MUCL1: variants seen among roughly 807,000 people sequenced by gnomAD.
MUCL1 encodes the protein mucin like 1, also known as mucin-like protein 1.
A neutral mutation model predicts 9.2 loss-of-function variants in MUCL1; 11 were observed. That is an observed-to-expected ratio of 1.19 (90% CI 0.75 to 1.97). The LOEUF is 1.97. Ranked by LOEUF, MUCL1 falls within the 30% of genes most tolerant of loss-of-function variation. The pLI, the probability that MUCL1 is intolerant of heterozygous loss-of-function variation, is 0.00. For synonymous variants in MUCL1, 48 were observed against 40.5 expected, an observed-to-expected ratio of 1.19 and a Z score of -0.71; for missense variants, 144 against 110.9, an observed-to-expected ratio of 1.30 and a Z score of -1.34.
rs1318068065 is a variant in MUCL1, at chr12:54,832,445, T to C, written n.357+1570T>C. On this transcript the variant is annotated intron_variant and non_coding_transcript_variant, in intron 1 of 3. Coordinates refer to the MUCL1 transcript ENST00000547990. Reference sequence around the variant, plus strand: ...GTTTTATGTTGTCTTTATCATGTCTTTGATTACTTAAGAGTCTTCACAATA... The same window carrying C: ...GTTTTATGTTGTCTTTATCATGTCTCTGATTACTTAAGAGTCTTCACAATA... 9.9e-5 allele frequency among the ~76,000 whole-genome samples: 15 copies of C among 152,144 alleles called. 1 individual carries two copies. The highest frequency in any genetic ancestry group is 9.8e-4 in the Admixed American group (15 of 15,258).
upstream of MUCL1, among the ~76,000 whole-genome samples, chr12:54,838,516 A>G (rs142789372): frequency 2.0e-5 from 3 of 152,306 alleles, no homozygotes; most frequent in African/African-American, 7.2e-5. Context: ...ATTCTCTCAA[A>G]TAAGTTTTTG....
chr12:54,856,559 G>A (rs1592250574), intron 2 of MUCL1, among the ~76,000 whole-genome samples: 1 of 152,148 alleles, frequency 6.6e-6, no homozygotes, highest in East Asian at 1.9e-4. Flanking sequence ...GCCCTTGGAG[G>A]GAAACCCCAA....
At chr12:54,839,493 A>G in intron 1 of MUCL1, 2 of 701,132 alleles carry the variant, frequency 2.9e-6, no homozygotes, top group South Asian at 3.0e-5. Flanking sequence ...CCCAGCCTTG[A>G]CAGAGGCAGC....
chr12:54,857,230 TAG>T (rs1491565832), intron 3 of MUCL1, among the ~76,000 whole-genome samples: 3 of 114,118 alleles, frequency 2.6e-5, no homozygotes, highest in Admixed American at 8.7e-5. Context: ...TTAAATCAGG[TAG>T]TGTGTGTGTG....
upstream of MUCL1, among the ~76,000 whole-genome samples, chr12:54,837,056 A>G (rs1959193976): frequency 6.6e-6 from 1 of 152,184 alleles, no homozygotes; most frequent in African/African-American, 2.4e-5. Flanking sequence ...TATATTCTGC[A>G]GTTCTTGAGT....
upstream of MUCL1, among the ~76,000 whole-genome samples, chr12:54,835,520 A>G (rs1959191499): frequency 6.7e-6 from 1 of 149,052 alleles, no homozygotes; most frequent in Non-Finnish European, 1.5e-5. Context: ...AATGTTGAGT[A>G]TTTTTTTCAT....
At chr12:54,857,862 T>C (rs148386881) in intron 3 of MUCL1, among the ~76,000 whole-genome samples, 13 of 152,260 alleles carry the variant, frequency 8.5e-5, no homozygotes, top group South Asian at 8.3e-4. Flanking sequence ...ATCTGTAAAG[T>C]AGACTGTGAG....
chr12:54,849,628 A>G (rs1276858542), upstream of MUCL1, among the ~76,000 whole-genome samples: 7 of 152,074 alleles, frequency 4.6e-5, no homozygotes, highest in African/African-American at 1.7e-4. Flanking sequence ...TATATAGAAT[A>G]TATTGCATAA....
At chr12:54,846,564 G>A (rs1024917461) in intron 1 of MUCL1, among the ~76,000 whole-genome samples, 13 of 152,218 alleles carry the variant, frequency 8.5e-5, no homozygotes, top group African/African-American at 3.1e-4. Flanking sequence ...GGCAATGATA[G>A]GAAATGAGTA....
chr12:54,856,922 C>A (rs761952536), intron 3 of MUCL1, 30 bp downstream of exon 3: 2 of 1,613,162 alleles, frequency 1.2e-6, no homozygotes, highest in Admixed American at 3.3e-5. Context: ...TGTGTGCTTC[C>A]TTTATGTGGC....
chr12:54,854,678 G>A (rs1231257760), intron 1 of MUCL1, 38 bp downstream of exon 1: 4 of 1,561,922 alleles, frequency 2.6e-6, no homozygotes, highest in Non-Finnish European at 3.5e-6. Flanking sequence ...AGTTTTGTGG[G>A]AATATACATA....
At chr12:54,833,305 T>C (rs1249202971) in intron 1 of MUCL1, among the ~76,000 whole-genome samples, 2 of 152,124 alleles carry the variant, frequency 1.3e-5, no homozygotes, top group Non-Finnish European at 2.9e-5. Context: ...TCTATGCAAA[T>C]GTTTTATTTC....
intron 1 of MUCL1, chr12:54,839,545 G>A: frequency 2.9e-6 from 2 of 698,672 alleles, no homozygotes; most frequent in South Asian, 3.0e-5. Flanking sequence ...CTTTTCATTG[G>A]GGTAGGGAGG....
chr12:54,843,468 A>G (rs150664605), intron 1 of MUCL1, among the ~76,000 whole-genome samples: 18 of 152,346 alleles, frequency 1.2e-4, no homozygotes, highest in Non-Finnish European at 1.9e-4. Context: ...TGAAACCTGC[A>G]TTTATGTTAG....
At chr12:54,839,119 A>C (rs1029614570), upstream of MUCL1, among the ~76,000 whole-genome samples, 1 of 151,928 alleles carries the variant, frequency 6.6e-6, no homozygotes, top group African/African-American at 2.4e-5. Context: ...TTTCTCATTG[A>C]GGATGTGACC....
upstream of MUCL1, among the ~76,000 whole-genome samples, chr12:54,839,075 T>G (rs1020508243): frequency 4.6e-5 from 7 of 152,160 alleles, no homozygotes; most frequent in Non-Finnish European, 7.3e-5. Context: ...ATTTTTAAAT[T>G]TATTTTTAAT....
At chr12:54,845,739 C>T (rs1272153337) in intron 1 of MUCL1, among the ~76,000 whole-genome samples, 1 of 152,094 alleles carries the variant, frequency 6.6e-6, no homozygotes, top group Non-Finnish European at 1.5e-5. Flanking sequence ...TGGACTGGTT[C>T]TGCTGTTATA....
At chr12:54,843,250 G>A (rs6581007) in intron 1 of MUCL1, among the ~76,000 whole-genome samples, 79,546 of 151,900 alleles carry the variant, frequency 0.52, 21,285 homozygotes, top group East Asian at 0.86. Flanking sequence ...TTCAGTCTTT[G>A]GTATGATGTT....
At position 54,858,365 on chromosome 12, in the gene MUCL1, A is replaced by G. The variant is rs1381657369; in HGVS notation, c.*123A>G. The stretch of plus-strand genomic sequence containing the variant: ...CTCTAATCAGTTTATTTTCTTTCAA[A>G]TAAAAAATAACTATGAGCAACATAA... On this transcript the variant is annotated 3_prime_UTR_variant, in exon 4 of 4. Coordinates refer to ENST00000308796, the MANE Select transcript of MUCL1 (RefSeq NM_058173.3). 22 of 1,251,522 alleles carry G rather than the reference A, an allele frequency of 1.8e-5. 1 individual carries two copies. The East Asian group carries it at 4.9e-4, about 28-fold the overall frequency. 77.5% of individuals were successfully genotyped at this position (1,251,522 alleles called of 1,614,324 possible). A position where few individuals can be genotyped will look rare whatever the true frequency, so the allele number is the denominator to read the frequency against.
Sources: gnomAD v4.1 joint callset for allele counts (sites outside exome capture counted in the v4.1 genomes callset) on GRCh38, gnomAD v4.1.1 for gene constraint, MANE v1.5 for transcripts, NCBI Gene and HGNC (gene_info 2026-07-23, HGNC 2026-07-21) for gene names.